The following MAD1L1 variants were observed in gnomAD, a reference collection of about 807,000 sequenced individuals.
MAD1L1 encodes the protein mitotic spindle assembly checkpoint protein MAD1.
In MAD1L1, 95 loss-of-function variants were observed where a neutral mutation model predicts 96.9. The observed-to-expected ratio is 0.98, with a 90% confidence interval of 0.83 to 1.16. The LOEUF (loss-of-function observed/expected upper bound fraction) is 1.16. MAD1L1 is among the 50% of genes most tolerant of loss of function. MAD1L1 has a pLI of 0.00. For synonymous variants in MAD1L1, 473 were observed against 396.6 expected, an observed-to-expected ratio of 1.19 and a Z score of -2.29; for missense variants, 1,007 against 954.4, an observed-to-expected ratio of 1.06 and a Z score of -0.73.
At chr7:2,210,851 C>T (rs1473802807) in intron 10 of MAD1L1, among the ~76,000 whole-genome samples, 2 of 151,918 alleles carry the variant, frequency 1.3e-5, no homozygotes, top group Non-Finnish European at 1.5e-5. Flanking sequence ...CATCAGCCTC[C>T]GGCTGCTCAG....
At chr7:1,985,104 G>A (rs539766375) in intron 14 of MAD1L1, among the ~76,000 whole-genome samples, 17 of 152,266 alleles carry the variant, frequency 1.1e-4, no homozygotes, top group African/African-American at 4.1e-4. Context: ...ACAGGACCTG[G>A]GGTACTCAGA....
At chr7:1,939,024 T>C (rs577079099) in intron 16 of MAD1L1, among the ~76,000 whole-genome samples, 1,147 of 56,162 alleles carry the variant, frequency 0.02, 37 homozygotes, top group African/African-American at 0.068. Flanking sequence ...CACACACACA[T>C]GGGCCAGGGC....
chr7:1,995,985 G>A (rs1440722449), intron 14 of MAD1L1, among the ~76,000 whole-genome samples: 1 of 152,242 alleles, frequency 6.6e-6, no homozygotes, highest in Non-Finnish European at 1.5e-5. Flanking sequence ...GCTGCTGGAT[G>A]TGACCAGACA....
At chr7:2,012,484 C>T (rs1436588676) in intron 13 of MAD1L1, among the ~76,000 whole-genome samples, 1 of 152,254 alleles carries the variant, frequency 6.6e-6, no homozygotes, top group Non-Finnish European at 1.5e-5. Flanking sequence ...CTCCCAGGTA[C>T]AGCCGGAGCT....
At chr7:2,084,868 G>A (rs73032321) in intron 11 of MAD1L1, among the ~76,000 whole-genome samples, 4,056 of 152,278 alleles carry the variant, frequency 0.027, 86 homozygotes, top group South Asian at 0.086. Context: ...AAGAGCCTGC[G>A]ACTCTGTAGC....
chr7:2,168,355 T>C (rs756065121), intron 10 of MAD1L1, among the ~76,000 whole-genome samples: 1 of 152,050 alleles, frequency 6.6e-6, no homozygotes, highest in African/African-American at 2.4e-5. Flanking sequence ...TCAAAGGCAA[T>C]GTGGGAACAA....
At chr7:1,977,211 G>A (rs1234997408) in intron 15 of MAD1L1, among the ~76,000 whole-genome samples, 2 of 152,248 alleles carry the variant, frequency 1.3e-5, no homozygotes, top group Admixed American at 6.5e-5. Flanking sequence ...ACGGCTGGGG[G>A]TGGGTGTGGG....
rs138771566 is a variant in MAD1L1, at chr7:1,820,410, A to G, written c.1999-4182T>C. The stretch of plus-strand genomic sequence containing the variant: ...AAGCCCGAAGCAGGAGGAGGAAATA[A>G]TACAAGTAGGAATGAACAGGAAAAC... On this transcript the variant is annotated intron_variant, in intron 18 of 18. Coordinates refer to ENST00000265854, the MANE Select transcript of MAD1L1 (RefSeq NM_001013836.2). 9.0e-4 allele frequency among the ~76,000 whole-genome samples: 137 copies of G among 152,310 alleles called. 1 individual carries two copies. The highest frequency in any genetic ancestry group is 3.1e-3 in the African/African-American group (131 of 41,588).
At chr7:1,825,465 A>G (rs1309613750) in intron 18 of MAD1L1, among the ~76,000 whole-genome samples, 1 of 152,248 alleles carries the variant, frequency 6.6e-6, no homozygotes, top group African/African-American at 2.4e-5. Context: ...GGCGCTGGTC[A>G]GGTGGCCACA....
At chr7:2,057,285 G>A (rs1338047305) in intron 12 of MAD1L1, among the ~76,000 whole-genome samples, 1 of 152,210 alleles carries the variant, frequency 6.6e-6, no homozygotes, top group African/African-American at 2.4e-5. Flanking sequence ...CAGCACGTCG[G>A]GAAGCCAAGG....
intron 17 of MAD1L1, among the ~76,000 whole-genome samples, chr7:1,918,571 G>A (rs1332225582): frequency 6.6e-6 from 1 of 152,236 alleles, no homozygotes; most frequent in Non-Finnish European, 1.5e-5. Context: ...AGCACAGAGG[G>A]TGGTACCCTT....
intron 10 of MAD1L1, among the ~76,000 whole-genome samples, chr7:2,186,652 G>C (rs1269476143): frequency 6.6e-6 from 1 of 152,204 alleles, no homozygotes; most frequent in Non-Finnish European, 1.5e-5. Flanking sequence ...GCATGTCACA[G>C]AGCTGTAGGA....
At chr7:1,960,943 G>T (rs1779927458) in intron 15 of MAD1L1, among the ~76,000 whole-genome samples, 1 of 152,140 alleles carries the variant, frequency 6.6e-6, no homozygotes, top group Non-Finnish European at 1.5e-5. Flanking sequence ...TATGTTATAG[G>T]ACCATCATGG....
chr7:1,977,053 C>G (rs59005941), intron 15 of MAD1L1, among the ~76,000 whole-genome samples: 5,215 of 152,360 alleles, frequency 0.034, 198 homozygotes, highest in East Asian at 0.088. Flanking sequence ...TGGCTTCCGA[C>G]AGTGGATCCC....
chr7:1,955,112 G>A (rs895314329), intron 16 of MAD1L1, among the ~76,000 whole-genome samples: 1 of 152,188 alleles, frequency 6.6e-6, no homozygotes, highest in Non-Finnish European at 1.5e-5. Context: ...CTCTTTCCTC[G>A]CCAACCAGCT....
intron 18 of MAD1L1, among the ~76,000 whole-genome samples, chr7:1,869,714 C>G (rs914202894): frequency 5.9e-5 from 9 of 152,190 alleles, no homozygotes; most frequent in African/African-American, 1.7e-4. Context: ...CACACTAGCA[C>G]GGGTTGAGGG....
chr7:1,856,116 C>T (rs1207830715), intron 18 of MAD1L1, among the ~76,000 whole-genome samples: 1 of 152,194 alleles, frequency 6.6e-6, no homozygotes, highest in Non-Finnish European at 1.5e-5. Flanking sequence ...GTTAGAATTT[C>T]AACGTATGGA....
rs994481818 is a variant in MAD1L1, at chr7:1,964,304, G to T, written c.1506-6585C>A. Reference sequence around the variant, plus strand: ...TAAAATGATATTATGGATTCTGAAGGCTTGGGAGCAAAATGCTTTCAAGGG... The same window carrying T: ...TAAAATGATATTATGGATTCTGAAGTCTTGGGAGCAAAATGCTTTCAAGGG... On this transcript the variant is annotated intron_variant, in intron 15 of 18. Coordinates refer to ENST00000265854, the MANE Select transcript of MAD1L1 (RefSeq NM_001013836.2). Among the ~76,000 whole-genome samples the T allele has an allele frequency of 2.0e-5, 3 of 152,218 alleles. No individual in the cohort carries two copies. The South Asian group carries it at 6.2e-4, about 32-fold the overall frequency.
intron 18 of MAD1L1, among the ~76,000 whole-genome samples, chr7:1,855,537 G>GC (rs1333934884): frequency 6.6e-6 from 1 of 151,416 alleles, no homozygotes; most frequent in Non-Finnish European, 1.5e-5. Flanking sequence ...AGAAAACACG[G>GC]CCCGGGCCCA....
Sources: allele counts gnomAD v4.1 joint callset (sites outside exome capture counted in the v4.1 genomes callset), GRCh38; gene constraint gnomAD v4.1.1; transcripts MANE v1.5; gene names NCBI Gene and HGNC (gene_info 2026-07-23, HGNC 2026-07-21).